Variants in FUT8 observed in about 807,000 individuals in gnomAD.
FUT8 encodes the protein alpha-(1,6)-fucosyltransferase.
In FUT8, 29 loss-of-function variants were observed where a neutral mutation model predicts 71.3. The observed-to-expected ratio is 0.41, with a 90% confidence interval of 0.30 to 0.55. FUT8 has a LOEUF of 0.55. FUT8 is among the 20% of genes least tolerant of loss of function. The pLI is 0.34. For missense variants in FUT8, 544 were observed against 702.1 expected, an observed-to-expected ratio of 0.77 and a Z score of 2.55; for synonymous variants, 254 against 239.3, an observed-to-expected ratio of 1.06 and a Z score of -0.57.
chr14:65,623,496 A>G (rs1197533422), intron 5 of FUT8, among the ~76,000 whole-genome samples: 2 of 151,982 alleles, frequency 1.3e-5, no homozygotes, highest in African/African-American at 4.8e-5. Context: ...AGGAGGGTGG[A>G]TCACATGAGG....
At chr14:65,377,979 G>A in the FUT8 span, among the ~76,000 whole-genome samples, 7 of 152,180 alleles carry the variant, frequency 4.6e-5, no homozygotes, top group Non-Finnish European at 8.8e-5. Context: ...GGAGGGAGAA[G>A]GAAAAGACAG....
chr14:65,454,542 T>C (rs2065871558), intron 1 of FUT8, among the ~76,000 whole-genome samples: 3 of 152,160 alleles, frequency 2.0e-5, no homozygotes, highest in Non-Finnish European at 4.4e-5. Context: ...GGGAGGAGTT[T>C]AAGTTGGTGA....
intron 2 of FUT8, among the ~76,000 whole-genome samples, chr14:65,495,270 C>A (rs1471586160): frequency 6.7e-6 from 1 of 150,274 alleles, no homozygotes; most frequent in Non-Finnish European, 1.5e-5. Flanking sequence ...TAAAAAAAGT[C>A]ATGTATTCTT....
intron 2 of FUT8, among the ~76,000 whole-genome samples, chr14:65,474,890 G>C (rs2066211390): frequency 6.6e-6 from 1 of 152,128 alleles, no homozygotes; most frequent in Non-Finnish European, 1.5e-5. Flanking sequence ...TTATTTTGCT[G>C]TATTGCCAGG....
intron 7 of FUT8, among the ~76,000 whole-genome samples, chr14:65,689,225 G>T (rs1451270025): frequency 6.6e-6 from 1 of 152,178 alleles, no homozygotes; most frequent in Non-Finnish European, 1.5e-5. Flanking sequence ...GTAGTATTCT[G>T]TTTTAATTTG....
At chr14:65,632,118 C>T (rs1310099509) in intron 6 of FUT8, among the ~76,000 whole-genome samples, 1 of 152,182 alleles carries the variant, frequency 6.6e-6, no homozygotes. Flanking sequence ...TTTCTTTATT[C>T]ACTCGTTGAT....
At chr14:65,648,757 G>A (rs1158275725) in intron 6 of FUT8, among the ~76,000 whole-genome samples, 1 of 152,194 alleles carries the variant, frequency 6.6e-6, no homozygotes, top group Non-Finnish European at 1.5e-5. Context: ...TTTTTTGCAT[G>A]TTGGAGGTGA....
At chr14:65,657,033 A>G (rs1891716747) in intron 6 of FUT8, among the ~76,000 whole-genome samples, 1 of 152,222 alleles carries the variant, frequency 6.6e-6, no homozygotes, top group South Asian at 2.1e-4. Flanking sequence ...GAGACCTCAT[A>G]CTATGAAACT....
chr14:65,689,830 C>T (rs1412936267), intron 7 of FUT8, among the ~76,000 whole-genome samples: 1 of 151,704 alleles, frequency 6.6e-6, no homozygotes, highest in African/African-American at 2.4e-5. Flanking sequence ...AGCCACAGCA[C>T]CCAGCCGAGC....
intron 3 of FUT8, among the ~76,000 whole-genome samples, chr14:65,583,347 A>G (rs1051005825): frequency 3.3e-5 from 5 of 152,106 alleles, no homozygotes; most frequent in Non-Finnish European, 5.9e-5. Context: ...AGGCCTGGCA[A>G]ATTTTTGGGT....
chr14:65,725,738 C>T (rs1895652836), intron 9 of FUT8, among the ~76,000 whole-genome samples: 1 of 152,160 alleles, frequency 6.6e-6, no homozygotes. Context: ...ATTTCAATCC[C>T]ATCAGTTTGA....
chr14:65,636,673 T>G (rs1351168618), intron 6 of FUT8: 1 of 152,214 alleles, frequency 6.6e-6, no homozygotes, highest in African/African-American at 2.4e-5. Context: ...CAGTTGGAGT[T>G]GATTTCTAGT....
intron 1 of FUT8, among the ~76,000 whole-genome samples, chr14:65,451,592 G>C (rs1291669786): frequency 6.6e-6 from 1 of 152,208 alleles, no homozygotes; most frequent in African/African-American, 2.4e-5. Flanking sequence ...TGTGGCTCCT[G>C]AGCTCTTGTC....
chr14:65,368,592 G>A, the FUT8 span, among the ~76,000 whole-genome samples: 2 of 133,278 alleles, frequency 1.5e-5, no homozygotes, highest in Non-Finnish European at 3.3e-5. Flanking sequence ...CGTGATCTCC[G>A]CTCACTGCAA....
intron 6 of FUT8, among the ~76,000 whole-genome samples, chr14:65,666,431 C>G (rs1417549593): frequency 6.6e-6 from 1 of 152,038 alleles, no homozygotes; most frequent in Non-Finnish European, 1.5e-5. Context: ...AGAAAACCTA[C>G]AAGAAAAAGA....
At chr14:65,468,717 GA>G (rs1301087703) in intron 2 of FUT8, among the ~76,000 whole-genome samples, 3 of 152,006 alleles carry the variant, frequency 2.0e-5, no homozygotes, top group Non-Finnish European at 4.4e-5. Context: ...TCTTACTAAA[GA>G]CATTCTTTCC....
At chr14:65,621,057 T>G (rs1316719888) in intron 5 of FUT8, among the ~76,000 whole-genome samples, 1 of 152,218 alleles carries the variant, frequency 6.6e-6, no homozygotes, top group Non-Finnish European at 1.5e-5. Flanking sequence ...CTAGTAGTTC[T>G]AATTCTGTTT....
intron 7 of FUT8, among the ~76,000 whole-genome samples, chr14:65,693,531 G>GGAGAGGGA (rs1218056633): frequency 1.3e-5 from 2 of 152,158 alleles, no homozygotes; most frequent in Non-Finnish European, 2.9e-5. Context: ...GAGACCGTGG[G>GGAGAGGGA]GAGAGGGAGA....
At chr14:65,455,142 A>G (rs960151288) in intron 1 of FUT8, among the ~76,000 whole-genome samples, 14 of 152,208 alleles carry the variant, frequency 9.2e-5, no homozygotes, top group African/African-American at 3.4e-4. Context: ...AAATTGTTCT[A>G]TGGAAAGAAA....
Sources: allele counts gnomAD v4.1 joint callset (sites outside exome capture counted in the v4.1 genomes callset), GRCh38; gene constraint gnomAD v4.1.1; transcripts MANE v1.5; gene names NCBI Gene and HGNC (gene_info 2026-07-23, HGNC 2026-07-21).